RANBP2: variants seen among roughly 807,000 people sequenced by gnomAD.
RANBP2 encodes the protein E3 SUMO-protein ligase RanBP2.
RANBP2 carries 57 observed loss-of-function variants against 303.6 expected under a neutral mutation model. The ratio of observed to expected loss-of-function variants is 0.19; its 90% CI spans 0.15 to 0.23. The LOEUF is 0.23. RANBP2 is among the 10% of genes least tolerant of loss of function. RANBP2 has a pLI of 1.00. For missense variants in RANBP2, 3,138 were observed against 3,780.8 expected (o/e 0.83, Z 4.46); for synonymous variants, 1,167 against 1,301.5 (o/e 0.90, Z 2.23).
chr2:109,032,496 C>T, the RANBP2 span, among the ~76,000 whole-genome samples: 1 of 152,160 alleles, frequency 6.6e-6, no homozygotes, highest in Admixed American at 6.5e-5. Flanking sequence ...GAGGCTTCAG[C>T]GGATGCCCTG....
At chr2:109,462,270 G>A in the RANBP2 span, among the ~76,000 whole-genome samples, 1 of 151,366 alleles carries the variant, frequency 6.6e-6, no homozygotes, top group Non-Finnish European at 1.5e-5. Flanking sequence ...ATCTACCCCT[G>A]AGTTTCATTG....
At chr2:108,929,366 C>T in the RANBP2 span, 1 of 1,614,090 alleles carries the variant, frequency 6.2e-7, no homozygotes, top group African/African-American at 1.3e-5. Context: ...GTCTTTGGTG[C>T]CGTAGCCACA....
chr2:109,300,304 C>T, the RANBP2 span, among the ~76,000 whole-genome samples: 13 of 152,208 alleles, frequency 8.5e-5, no homozygotes, highest in South Asian at 6.2e-4. Context: ...CTTAGCTTCC[C>T]GAGTAGCTGG....
the RANBP2 span, among the ~76,000 whole-genome samples, chr2:109,013,668 C>CT: frequency 2.6e-5 from 4 of 151,686 alleles, no homozygotes; most frequent in Admixed American, 2.6e-4. Flanking sequence ...GAACCTCTGC[C>CT]TCCTGGGCTC....
the RANBP2 span, among the ~76,000 whole-genome samples, chr2:108,880,763 C>G: frequency 1.3e-5 from 2 of 152,154 alleles, no homozygotes; most frequent in East Asian, 3.8e-4. Context: ...AAAAAAGACT[C>G]CTCTGAAAAC....
At chr2:108,856,712 C>T in the RANBP2 span, 79 of 1,279,970 alleles carry the variant, frequency 6.2e-5, 1 homozygote, top group African/African-American at 9.0e-4. Flanking sequence ...GTTAAAGTAA[C>T]GACATTGCTT....
At chr2:109,387,783 T>G in the RANBP2 span, among the ~76,000 whole-genome samples, 1 of 152,160 alleles carries the variant, frequency 6.6e-6, no homozygotes, top group Non-Finnish European at 1.5e-5. Context: ...TATTTCACAG[T>G]GCTAAGCAGA....
the RANBP2 span, among the ~76,000 whole-genome samples, chr2:109,015,118 C>CAAAAAAAAAA: frequency 4.1e-4 from 28 of 68,810 alleles, no homozygotes; most frequent in African/African-American, 9.4e-4. Flanking sequence ...GACTCCATCT[C>CAAAAAAAAAA]AAAAAAAAAA....
At chr2:109,262,960 G>A in the RANBP2 span, among the ~76,000 whole-genome samples, 1 of 151,900 alleles carries the variant, frequency 6.6e-6, no homozygotes, top group Non-Finnish European at 1.5e-5. Flanking sequence ...AGCCTCCCAC[G>A]TAGCTGGGAG....
chr2:109,618,264 T>C, the RANBP2 span: 2 of 166,428 alleles, frequency 1.2e-5, no homozygotes, highest in East Asian at 1.9e-4. Flanking sequence ...TAACATCCCA[T>C]TGAGGAATCT....
chr2:109,351,946 T>C, the RANBP2 span, among the ~76,000 whole-genome samples: 5 of 152,376 alleles, frequency 3.3e-5, no homozygotes, highest in East Asian at 9.6e-4. Flanking sequence ...CTAGCATTAA[T>C]TCCAAACTCT....
At chr2:109,298,990 C>T in the RANBP2 span, among the ~76,000 whole-genome samples, 1 of 152,200 alleles carries the variant, frequency 6.6e-6, no homozygotes, top group Non-Finnish European at 1.5e-5. Context: ...CGGCCTGCAC[C>T]AACCCCCACC....
At chr2:109,686,568 C>T in the RANBP2 span, among the ~76,000 whole-genome samples, 1 of 152,302 alleles carries the variant, frequency 6.6e-6, no homozygotes, top group Non-Finnish European at 1.5e-5. Context: ...CCGCCTCGGC[C>T]TCCCAACGTG....
At chr2:109,593,252 CATT>C in the RANBP2 span, 1 of 501,650 alleles carries the variant, frequency 2.0e-6, no homozygotes, top group Admixed American at 4.0e-5. Flanking sequence ...GTGTAGTCTA[CATT>C]ATTGAATCGT....
chr2:108,831,754 C>T, the RANBP2 span, among the ~76,000 whole-genome samples: 16 of 100,806 alleles, frequency 1.6e-4, no homozygotes, highest in African/African-American at 2.5e-4. Flanking sequence ...CCTGTTGAAA[C>T]GAAGTTTCAC....
the RANBP2 span, among the ~76,000 whole-genome samples, chr2:109,589,460 G>A: frequency 1.3e-5 from 2 of 152,112 alleles, no homozygotes; most frequent in African/African-American, 4.8e-5. Context: ...TGAACCTGAG[G>A]CGGAAGTTGC....
At chr2:109,493,767 G>T in the RANBP2 span, among the ~76,000 whole-genome samples, 2 of 151,368 alleles carry the variant, frequency 1.3e-5, no homozygotes, top group Admixed American at 6.6e-5. Flanking sequence ...CACCAAACAT[G>T]CACTGCACAC....
the RANBP2 span, among the ~76,000 whole-genome samples, chr2:109,236,209 C>G: frequency 6.6e-6 from 1 of 152,200 alleles, no homozygotes; most frequent in Admixed American, 6.5e-5. Context: ...AAAACTGCCT[C>G]CCAATTACAA....
the RANBP2 span, among the ~76,000 whole-genome samples, chr2:108,904,593 A>G: frequency 6.6e-6 from 1 of 152,224 alleles, no homozygotes; most frequent in African/African-American, 2.4e-5. Flanking sequence ...TGGTTAAACC[A>G]ACTCTGGTCC....
Sources: allele counts gnomAD v4.1 joint callset (sites outside exome capture counted in the v4.1 genomes callset), GRCh38; gene constraint gnomAD v4.1.1; transcripts MANE v1.5; gene names NCBI Gene and HGNC (gene_info 2026-07-23, HGNC 2026-07-21).